Variants in DOCK9 observed in about 807,000 individuals in gnomAD.
DOCK9 encodes dedicator of cytokinesis 9.
In DOCK9, 89 loss-of-function variants were observed where a neutral mutation model predicts 263.3. That is an observed-to-expected ratio of 0.34 (90% CI 0.28 to 0.40). DOCK9 has a LOEUF of 0.40. Among genes scored for constraint, DOCK9 ranks in the 10% least tolerant of loss-of-function variants. DOCK9 has a pLI of 1.00. For missense variants in DOCK9, 2,140 were observed against 2,603.4 expected, an observed-to-expected ratio of 0.82 and a Z score of 3.87; for synonymous variants, 976 against 973.1, an observed-to-expected ratio of 1.00 and a Z score of -0.06.
chr13:98,861,586 C>G (rs1248795343), intron 32 of DOCK9, among the ~76,000 whole-genome samples: 1 of 152,100 alleles, frequency 6.6e-6, no homozygotes, highest in Non-Finnish European at 1.5e-5. Flanking sequence ...ATAGGTTAAC[C>G]TTTAAAAAGC....
chr13:98,980,428 G>C (rs564225242), upstream of DOCK9, among the ~76,000 whole-genome samples: 13 of 152,228 alleles, frequency 8.5e-5, no homozygotes, highest in Non-Finnish European at 1.8e-4. Context: ...GAGAGCAGGG[G>C]CAATATGGAT....
chr13:98,908,292 T>C (rs564136085), intron 9 of DOCK9, among the ~76,000 whole-genome samples: 3 of 152,228 alleles, frequency 2.0e-5, no homozygotes, highest in Non-Finnish European at 4.4e-5. Context: ...TGTGAATTGT[T>C]ATAGCCTTTT....
chr13:99,077,970 G>T (rs1269570062), intron 1 of DOCK9, among the ~76,000 whole-genome samples: 1 of 152,180 alleles, frequency 6.6e-6, no homozygotes, highest in Non-Finnish European at 1.5e-5. Flanking sequence ...AGTGGTTCTT[G>T]AATGAGGAAG....
chr13:98,844,289 C>T (rs1365832431), intron 38 of DOCK9, among the ~76,000 whole-genome samples: 3 of 152,158 alleles, frequency 2.0e-5, no homozygotes, highest in East Asian at 1.9e-4. Flanking sequence ...CTACCAACTC[C>T]GTGTGGCAGA....
intron 13 of DOCK9, among the ~76,000 whole-genome samples, chr13:98,899,763 C>A (rs955853837): frequency 3.9e-5 from 6 of 152,134 alleles, no homozygotes; most frequent in African/African-American, 1.4e-4. Context: ...ATCAATAAGC[C>A]TTTTCTGCAG....
chr13:99,086,782 G>T (rs1231782112), upstream of DOCK9, among the ~76,000 whole-genome samples: 2 of 149,074 alleles, frequency 1.3e-5, no homozygotes, highest in African/African-American at 4.9e-5. Context: ...GGTCGGCGCG[G>T]CCCGGCGCTG....
chr13:98,857,772 T>C (rs188362432), intron 33 of DOCK9: 1 of 152,328 alleles, frequency 6.6e-6, no homozygotes, highest in Admixed American at 6.5e-5. Context: ...CATGGTTTCA[T>C]TAAGCCTTAT....
chr13:98,970,289 C>T (rs547422322), intron 1 of DOCK9, among the ~76,000 whole-genome samples: 5 of 152,222 alleles, frequency 3.3e-5, no homozygotes, highest in Non-Finnish European at 7.3e-5. Flanking sequence ...TGAGCTACCA[C>T]GCCCCACCCG....
At chr13:99,072,879 T>A (rs2041742095) in intron 1 of DOCK9, among the ~76,000 whole-genome samples, 1 of 152,032 alleles carries the variant, frequency 6.6e-6, no homozygotes, top group African/African-American at 2.4e-5. Context: ...ACACTTATAG[T>A]CCCAGCTACT....
At chr13:99,067,224 T>C (rs978771660) in intron 1 of DOCK9, among the ~76,000 whole-genome samples, 2 of 152,166 alleles carry the variant, frequency 1.3e-5, no homozygotes, top group East Asian at 3.9e-4. Context: ...CACCAAATGT[T>C]TACCTTTCTT....
intron 9 of DOCK9, among the ~76,000 whole-genome samples, chr13:98,909,978 C>T (rs974569883): frequency 2.0e-5 from 3 of 152,136 alleles, no homozygotes; most frequent in African/African-American, 7.2e-5. Context: ...TGAGCAATTC[C>T]GGATTTAGAA....
In DOCK9 at chr13:98,993,946, T is replaced by C. The variant is rs182499696; in HGVS notation, c.130-38395A>G. On this transcript the variant is annotated intron_variant, in intron 1 of 32. Coordinates refer to the DOCK9 transcript ENST00000427887. Reference sequence around the variant, plus strand: ...AATATTATGACATTACTATCAACAATAAACCTTAGTATCATCAAGTTGTAA... The same window carrying C: ...AATATTATGACATTACTATCAACAACAAACCTTAGTATCATCAAGTTGTAA... Among the ~76,000 whole-genome samples the C allele has an allele frequency of 5.9e-5, 9 of 152,318 alleles. No homozygotes were observed. The East Asian group carries it at 1.5e-3, about 26-fold the overall frequency.
At chr13:98,916,975 A>G (rs1398243725) in intron 7 of DOCK9, among the ~76,000 whole-genome samples, 1 of 152,364 alleles carries the variant, frequency 6.6e-6, no homozygotes, top group African/African-American at 2.4e-5. Flanking sequence ...AAACACTTAA[A>G]TCACAACTTT....
At chr13:98,915,207 G>T in intron 8 of DOCK9, 122 bp downstream of exon 8, 2 of 870,774 alleles carry the variant, frequency 2.3e-6, no homozygotes, top group Non-Finnish European at 3.4e-6. Flanking sequence ...TTTGTAAAGA[G>T]CTCCTATCCG....
intron 1 of DOCK9, chr13:99,015,365 A>G (rs9517546): frequency 0.19 from 228,382 of 1,215,142 alleles, 23,927 homozygotes; most frequent in East Asian, 0.33. Flanking sequence ...GTACACTTAA[A>G]TAAATATATT....
intron 26 of DOCK9, among the ~76,000 whole-genome samples, 154 bp downstream of exon 26, chr13:98,880,393 C>T (rs1319986909): frequency 6.6e-6 from 1 of 152,038 alleles, no homozygotes; most frequent in African/African-American, 2.4e-5. Context: ...TCTCTCAAGA[C>T]ACAATTAGAA....
intron 3 of DOCK9, 118 bp downstream of exon 3, chr13:98,930,050 A>G (rs974916454): frequency 6.7e-6 from 6 of 889,718 alleles, no homozygotes; most frequent in Middle Eastern, 2.2e-4. Flanking sequence ...TTGAACTTCC[A>G]TCATAGAAAT....
chr13:98,814,843 A>C (rs1395443910), intron 45 of DOCK9, among the ~76,000 whole-genome samples: 3 of 152,008 alleles, frequency 2.0e-5, no homozygotes, highest in Non-Finnish European at 4.4e-5. Flanking sequence ...TGGGAGGCTG[A>C]GGTGGGAGAA....
intron 1 of DOCK9, among the ~76,000 whole-genome samples, chr13:98,998,695 T>C (rs7988024): frequency 0.55 from 83,062 of 151,886 alleles, 22,997 homozygotes; most frequent in South Asian, 0.68. Context: ...TTAGGCTGCA[T>C]GGCCCCTAAT....
Sources: gnomAD v4.1 joint callset for allele counts (sites outside exome capture counted in the v4.1 genomes callset) on GRCh38, gnomAD v4.1.1 for gene constraint, MANE v1.5 for transcripts, NCBI Gene and HGNC (gene_info 2026-07-23, HGNC 2026-07-21) for gene names.